Variants in CIDEA observed in about 807,000 individuals in gnomAD.
The protein encoded by CIDEA is lipid transferase CIDEA.
CIDEA carries 10 observed loss-of-function variants against 18.2 expected under a neutral mutation model. The ratio of observed to expected loss-of-function variants is 0.55; its 90% CI spans 0.34 to 0.93. The LOEUF (loss-of-function observed/expected upper bound fraction) is 0.93. Among genes scored for constraint, CIDEA ranks in the 40% least tolerant of loss-of-function variants. CIDEA has a pLI of 0.02. For synonymous variants in CIDEA, 128 were observed against 124.8 expected, an observed-to-expected ratio of 1.03 and a Z score of -0.17; for missense variants, 309 against 293.1, an observed-to-expected ratio of 1.05 and a Z score of -0.40.
At chr18:12,263,070 C>G in intron 2 of CIDEA, 101 bp downstream of exon 2, 1 of 1,197,610 alleles carries the variant, frequency 8.3e-7, no homozygotes, top group Non-Finnish European at 1.1e-6. Context: ...ACAGAAAGAT[C>G]AAGAAAAGCA....
At chr18:12,261,941 G>A (rs575339361) in intron 1 of CIDEA, among the ~76,000 whole-genome samples, 1 of 151,770 alleles carries the variant, frequency 6.6e-6, no homozygotes, top group East Asian at 2.0e-4. Context: ...AGGCAGGAGG[G>A]AGGACTGCTT....
chr18:12,276,230 G>A (rs1905329341), intron 4 of CIDEA, among the ~76,000 whole-genome samples: 1 of 151,510 alleles, frequency 6.6e-6, no homozygotes, highest in Non-Finnish European at 1.5e-5. Context: ...CTGGCCTCAG[G>A]TGATCCACCC....
At chr18:12,276,346 G>A (rs1905333047) in intron 4 of CIDEA, among the ~76,000 whole-genome samples, 1 of 151,906 alleles carries the variant, frequency 6.6e-6, no homozygotes, top group African/African-American at 2.4e-5. Flanking sequence ...AGGCTGGAGT[G>A]CAGTAGCACA....
chr18:12,267,363 G>A (rs959848466), intron 3 of CIDEA, among the ~76,000 whole-genome samples: 1 of 152,238 alleles, frequency 6.6e-6, no homozygotes, highest in African/African-American at 2.4e-5. Flanking sequence ...AAACTGTAAT[G>A]TGGTCCCTGA....
chr18:12,267,102 A>G (rs988711210), intron 3 of CIDEA, among the ~76,000 whole-genome samples: 1 of 152,122 alleles, frequency 6.6e-6, no homozygotes, highest in Non-Finnish European at 1.5e-5. Context: ...CTCCTCTACT[A>G]CCACCAACAG....
chr18:12,277,288 G>A lies in CIDEA; in HGVS notation c.*18G>A, dbSNP rs1248895839. The A allele has an allele frequency of 2.5e-6, 4 of 1,613,796 alleles. No individual in the cohort carries two copies. Among genetic ancestry groups the A allele is most frequent in the Non-Finnish European group, 2.5e-6 (3 of 1,179,912 alleles). ...GTGGATAGGGATGCAGGCTGTCGCC[G>A]GCTCTTGAGCCAAACACTGTGTTTC... On this transcript the variant is annotated 3_prime_UTR_variant, in exon 5 of 5. Coordinates refer to ENST00000320477, the MANE Select transcript of CIDEA (RefSeq NM_001279.4).
rs748331016 is a variant in CIDEA, at chr18:12,262,832, A to G, written c.46A>G (p.Thr16Ala). ...DYAGALIRPL[T>A]FMGSQTKRVL... ...TTTCACCTCCATTTTCAGGCCCCTG[A>G]CATTTATGGGATCACAGACTAAGCG... is the stretch of plus-strand genomic sequence containing the variant. Residue 16 changes from threonine to alanine, a missense_variant, in exon 2 of 5, where the codon ACA (threonine) becomes GCA (alanine). Physicochemically the swap from Thr to Ala is moderately conservative, Grantham distance 58. Transcript: ENST00000320477. 2.0e-5 allele frequency: 32 copies of G among 1,611,974 alleles called. No individual in the cohort carries two copies. In the South Asian group the frequency reaches 3.4e-4, roughly 17 times the overall value.
At chr18:12,276,157 C>T (rs1459889096) in intron 4 of CIDEA, among the ~76,000 whole-genome samples, 1 of 151,976 alleles carries the variant, frequency 6.6e-6, no homozygotes, top group Admixed American at 6.6e-5. Context: ...CCACACCCAG[C>T]TAACTTTTGT....
intron 3 of CIDEA, among the ~76,000 whole-genome samples, chr18:12,269,804 C>T (rs1363337216): frequency 6.6e-6 from 1 of 152,100 alleles, no homozygotes; most frequent in Non-Finnish European, 1.5e-5. Context: ...CTCAAGGGAT[C>T]CTGCCACCTC....
In CIDEA at chr18:12,262,836, T is replaced by G; in HGVS notation, c.50T>G (p.Phe17Cys). 1 of 1,613,286 alleles carries G rather than the reference T, an allele frequency of 6.2e-7. No homozygotes were observed. Among genetic ancestry groups the G allele is most frequent in the Non-Finnish European group, 8.5e-7 (1 of 1,179,376 alleles). Reference sequence around the variant, plus strand: ...ACCTCCATTTTCAGGCCCCTGACATTTATGGGATCACAGACTAAGCGAGTC... The same window carrying G: ...ACCTCCATTTTCAGGCCCCTGACATGTATGGGATCACAGACTAAGCGAGTC... The part of the protein sequence containing the change: ...YAGALIRPLT[F>C]MGSQTKRVLF... The change falls in exon 2 of 5, where the codon TTT (phenylalanine) becomes TGT (cysteine). Residue 17 changes from phenylalanine to cysteine, a missense_variant. Physicochemically the swap from Phe to Cys is radical, Grantham distance 205. Coordinates refer to ENST00000320477, the MANE Select transcript of CIDEA (RefSeq NM_001279.4).
At chr18:12,265,809 G>A (rs1271093493) in intron 3 of CIDEA, among the ~76,000 whole-genome samples, 4 of 152,106 alleles carry the variant, frequency 2.6e-5, no homozygotes, top group Admixed American at 1.3e-4. Flanking sequence ...AACACAGAAC[G>A]TAAGGACTCA....
At chr18:12,254,460 A>C in intron 1 of CIDEA, 39 bp downstream of exon 1, 1 of 1,593,478 alleles carries the variant, frequency 6.3e-7, no homozygotes, top group Non-Finnish European at 8.5e-7. Flanking sequence ...GTGCGCTTCC[A>C]ATCGCCTTGC....
At chr18:12,263,098 A>C in intron 2 of CIDEA, 129 bp downstream of exon 2, 1 of 914,430 alleles carries the variant, frequency 1.1e-6, no homozygotes, top group Admixed American at 3.1e-5. Context: ...ACTGGGGGGA[A>C]ACGGGGAGAG....
At chr18:12,261,564 T>C (rs528404235) in intron 1 of CIDEA, among the ~76,000 whole-genome samples, 1 of 152,068 alleles carries the variant, frequency 6.6e-6, no homozygotes, top group Non-Finnish European at 1.5e-5. Flanking sequence ...CCTTTTCTTT[T>C]CTTTTTTCTT....
At chr18:12,254,563 C>CCTGCGCACACACCCAT in intron 1 of CIDEA, 142 bp downstream of exon 1, 1 of 1,509,726 alleles carries the variant, frequency 6.6e-7, no homozygotes, top group South Asian at 1.2e-5. Context: ...GCTCCGCGAC[C>CCTGCGCACACACCCAT]CCGCGCACAC....
chr18:12,264,615 G>A (rs560365640), intron 3 of CIDEA, among the ~76,000 whole-genome samples, 162 bp downstream of exon 3: 134 of 151,570 alleles, frequency 8.8e-4, no homozygotes, highest in Non-Finnish European at 1.6e-3. Flanking sequence ...GTGCAGTGGC[G>A]CGATCTCGGC....
At chr18:12,260,952 G>T (rs1188341354) in intron 1 of CIDEA, among the ~76,000 whole-genome samples, 1 of 152,202 alleles carries the variant, frequency 6.6e-6, no homozygotes, top group Non-Finnish European at 1.5e-5. Flanking sequence ...GTCCAGTCCT[G>T]CTCTGTGGGG....
At chr18:12,263,116 G>A (rs1912246340) in intron 2 of CIDEA, 147 bp downstream of exon 2, 1 of 782,016 alleles carries the variant, frequency 1.3e-6, no homozygotes, top group African/African-American at 1.8e-5. Flanking sequence ...GAGAAATTGG[G>A]AATGACTGCT....
At chr18:12,269,292 T>C (rs1340638410) in intron 3 of CIDEA, among the ~76,000 whole-genome samples, 2 of 152,212 alleles carry the variant, frequency 1.3e-5, no homozygotes, top group African/African-American at 4.8e-5. Flanking sequence ...TTGATGGAAG[T>C]ATGAAGAAAA....
Sources: allele counts gnomAD v4.1 joint callset (sites outside exome capture counted in the v4.1 genomes callset), GRCh38; gene constraint gnomAD v4.1.1; transcripts MANE v1.5; gene names NCBI Gene and HGNC (gene_info 2026-07-23, HGNC 2026-07-21).